SLC22A23: variants seen among roughly 807,000 people sequenced by gnomAD.
The protein encoded by SLC22A23 is ion transporter protein.
In SLC22A23, 26 loss-of-function variants were observed where a neutral mutation model predicts 61.0. The observed-to-expected ratio is 0.43, with a 90% CI of 0.31 to 0.59. The LOEUF (loss-of-function observed/expected upper bound fraction) is 0.59, where lower values mean the gene tolerates loss of function less well. SLC22A23 is among the 20% of genes least tolerant of loss of function. The pLI, the probability that SLC22A23 is intolerant of heterozygous loss-of-function variation, is 0.11. For synonymous variants in SLC22A23, 430 were observed against 413.9 expected, an observed-to-expected ratio of 1.04 and a Z score of -0.47; for missense variants, 796 against 934.7, an observed-to-expected ratio of 0.85 and a Z score of 1.94.
rs1211001804 is a variant in SLC22A23, at chr6:3,386,370, G to A, written c.913+23818C>T. Among the ~76,000 whole-genome samples, 2 of 152,180 alleles carry A rather than the reference G, an allele frequency of 1.3e-5. No homozygotes were observed. Among genetic ancestry groups the A allele is most frequent in the Non-Finnish European group, 2.9e-5 (2 of 68,032 alleles). On this transcript the variant is annotated intron_variant, in intron 3 of 9. Coordinates refer to ENST00000406686, the MANE Select transcript of SLC22A23 (RefSeq NM_015482.2). This position sits in a 1 kb window ranked among gnomAD's most constrained non-coding sequence, Gnocchi z 4.4. ...GAGAGCGAAGGAGAAGGGAGAGCAC[G>A]CTTGCTCTGTGTACGCCACACGCAC... is the stretch of plus-strand genomic sequence containing the variant.
Position 3,292,820 on chromosome 6 carries a change from G to A in SLC22A23, c.1211-2954C>T, listed in dbSNP as rs542997827. ...AGGATGAAGCGCTGCCTTGAGGGCCGGATGGGAGAACTCGGCGCGGCCTCT... is the reference window on the plus strand; with the variant it reads ...AGGATGAAGCGCTGCCTTGAGGGCCAGATGGGAGAACTCGGCGCGGCCTCT... On this transcript the variant is annotated intron_variant, in intron 5 of 9. Transcript: ENST00000406686. Among the ~76,000 whole-genome samples, 6 of 152,332 alleles carry A rather than the reference G, an allele frequency of 3.9e-5. No individual in the cohort carries two copies. The East Asian group carries it at 7.7e-4, about 20-fold the overall frequency.
At chr6:3,413,779 T>C (rs934892760) in intron 2 of SLC22A23, among the ~76,000 whole-genome samples, 3 of 152,182 alleles carry the variant, frequency 2.0e-5, no homozygotes, top group African/African-American at 7.2e-5. Flanking sequence ...TATTTCCTTT[T>C]AAGCAAGGCT....
At position 3,390,566 on chromosome 6, in the gene SLC22A23, A is replaced by T. The variant is rs1477558714; in HGVS notation, c.913+19622T>A. 1.3e-5 allele frequency among the ~76,000 whole-genome samples: 2 copies of T among 152,192 alleles called. No homozygotes were observed. Among genetic ancestry groups the T allele is most frequent in the Non-Finnish European group, 2.9e-5 (2 of 68,032 alleles). ...CCCGGGGCCTAGAGTTCTGAGGTACACTTCGGGTTCACTTGCAGGTTTAAA... is the reference window on the plus strand; with the variant it reads ...CCCGGGGCCTAGAGTTCTGAGGTACTCTTCGGGTTCACTTGCAGGTTTAAA... On this transcript the variant is annotated intron_variant, in intron 3 of 9. Coordinates refer to ENST00000406686, the MANE Select transcript of SLC22A23 (RefSeq NM_015482.2). This position sits in a 1 kb window ranked among gnomAD's most constrained non-coding sequence, Gnocchi z 4.0.
intron 9 of SLC22A23, among the ~76,000 whole-genome samples, chr6:3,281,438 G>A (rs1200691288): frequency 6.6e-6 from 1 of 152,234 alleles, no homozygotes; most frequent in African/African-American, 2.4e-5. Context: ...GGTGGAACAA[G>A]TATGAAAAGT....
At chr6:3,336,395 T>TTAC (rs1434394673) in intron 3 of SLC22A23, among the ~76,000 whole-genome samples, 1 of 152,220 alleles carries the variant, frequency 6.6e-6, no homozygotes, top group Non-Finnish European at 1.5e-5. Flanking sequence ...TGCTGGCAGG[T>TTAC]TACTGCCCCT....
intron 1 of SLC22A23, among the ~76,000 whole-genome samples, chr6:3,433,152 C>T (rs1412331500): frequency 2.0e-5 from 3 of 152,312 alleles, no homozygotes; most frequent in Non-Finnish European, 4.4e-5. Context: ...TACAGAGAGG[C>T]GGGAGGGCCT....
rs1333104627 is a variant in SLC22A23 at position 3,387,463 on chromosome 6, C to T, written c.913+22725G>A. 1.3e-5 allele frequency among the ~76,000 whole-genome samples: 2 copies of T among 152,162 alleles called. No homozygotes were observed. The highest frequency in any genetic ancestry group is 4.8e-5 in the African/African-American group (2 of 41,426). ...CCAAGGAACTGTCACAGATCAGAGG[C>T]GACTGTGGAGACACAGCTACATTTA... On this transcript the variant is annotated intron_variant, in intron 3 of 9. Transcript: ENST00000406686. The surrounding 1 kb of genome is among the most constrained non-coding windows in gnomAD (Gnocchi z 5.0).
At chr6:3,282,758 CAG>C (rs1426990770) in intron 9 of SLC22A23, among the ~76,000 whole-genome samples, 1 of 152,200 alleles carries the variant, frequency 6.6e-6, no homozygotes, top group African/African-American at 2.4e-5. Flanking sequence ...AAGTCACAAA[CAG>C]TGTAGGAAAA....
chr6:3,385,495 G>A (rs574252293), intron 3 of SLC22A23, among the ~76,000 whole-genome samples: 34 of 152,050 alleles, frequency 2.2e-4, no homozygotes, highest in Non-Finnish European at 4.6e-4. Flanking sequence ...TAGCCTGGGC[G>A]ACAGAGCAGA....
intron 1 of SLC22A23, chr6:3,445,155 G>C (rs1270972275): frequency 4.5e-6 from 1 of 221,136 alleles, no homozygotes; most frequent in Non-Finnish European, 7.6e-6. Context: ...CCCATGACAA[G>C]TGGCAGAGTT....
At chr6:3,434,187 C>T (rs1485694583) in intron 1 of SLC22A23, among the ~76,000 whole-genome samples, 2 of 151,850 alleles carry the variant, frequency 1.3e-5, no homozygotes, top group African/African-American at 4.8e-5. Context: ...GTGGTGCATG[C>T]CTGTAATCCC....
At chr6:3,339,826 G>A (rs182148218) in intron 3 of SLC22A23, among the ~76,000 whole-genome samples, 19 of 152,296 alleles carry the variant, frequency 1.2e-4, no homozygotes, top group African/African-American at 4.6e-4. Context: ...AGCTTTTGCG[G>A]CTGCTCTGTC....
At chr6:3,408,587 A>G (rs958122956) in intron 3 of SLC22A23, among the ~76,000 whole-genome samples, 2 of 152,172 alleles carry the variant, frequency 1.3e-5, no homozygotes, top group Non-Finnish European at 2.9e-5. Flanking sequence ...GCTGAGCCCC[A>G]AAGTCTCCTC....
intron 3 of SLC22A23, among the ~76,000 whole-genome samples, chr6:3,381,464 G>A (rs1308941904): frequency 1.3e-5 from 2 of 152,184 alleles, no homozygotes; most frequent in African/African-American, 2.4e-5. Flanking sequence ...TAGCCTCAGT[G>A]GTGAGGCGTT....
At position 3,372,359 on chromosome 6, in the gene SLC22A23, G is replaced by A. The variant is rs1766275928; in HGVS notation, c.913+37829C>T. ...AATAAAAGTGGCAAGATGCACGAAGGTCTAAGCCTGCAGGCTCCTCCTGCT... is the reference window on the plus strand; with the variant it reads ...AATAAAAGTGGCAAGATGCACGAAGATCTAAGCCTGCAGGCTCCTCCTGCT... On this transcript the variant is annotated intron_variant, in intron 3 of 9. Transcript: ENST00000406686. This position sits in a 1 kb window ranked among gnomAD's most constrained non-coding sequence, Gnocchi z 4.7. 6.6e-6 allele frequency among the ~76,000 whole-genome samples: 1 copy of A among 152,254 alleles called. No individual in the cohort carries two copies. Among genetic ancestry groups the A allele is most frequent in the South Asian group, 2.1e-4 (1 of 4,834 alleles).
chr6:3,334,302 CA>C (rs973309962), intron 3 of SLC22A23, among the ~76,000 whole-genome samples: 19 of 152,184 alleles, frequency 1.2e-4, no homozygotes, highest in African/African-American at 4.3e-4. Context: ...GCTAGGATTA[CA>C]GGCACCTTCC....
intron 3 of SLC22A23, among the ~76,000 whole-genome samples, chr6:3,343,259 T>G (rs1764249424): frequency 6.6e-6 from 1 of 152,184 alleles, no homozygotes; most frequent in Admixed American, 6.5e-5. Flanking sequence ...AGACACTGCA[T>G]TTCCACATCT....
Position 3,304,446 on chromosome 6 carries a change from C to T in SLC22A23, c.1083-6228G>A, listed in dbSNP as rs186912488. On this transcript the variant is annotated intron_variant, in intron 4 of 9. Coordinates refer to ENST00000406686, the MANE Select transcript of SLC22A23 (RefSeq NM_015482.2). This position sits in a 1 kb window ranked among gnomAD's most constrained non-coding sequence, Gnocchi z 4.3. ...TCAAGGATATTACTGTTTACAAAGGCGTGGTGTGACCTTAGGATTTAAGAA... is the reference window on the plus strand; with the variant it reads ...TCAAGGATATTACTGTTTACAAAGGTGTGGTGTGACCTTAGGATTTAAGAA... Among the ~76,000 whole-genome samples, 137 of 152,196 alleles carry T rather than the reference C, an allele frequency of 9.0e-4. No homozygotes were observed. Among genetic ancestry groups the T allele is most frequent in the Non-Finnish European group, 1.7e-3 (113 of 67,984 alleles).
At chr6:3,407,527 A>T (rs1007048353) in intron 3 of SLC22A23, among the ~76,000 whole-genome samples, 3 of 152,192 alleles carry the variant, frequency 2.0e-5, no homozygotes, top group African/African-American at 7.2e-5. Context: ...TTCTTCTCTC[A>T]GAAGCTTTGC....
Sources: gnomAD v4.1 joint callset for allele counts (sites outside exome capture counted in the v4.1 genomes callset) on GRCh38, gnomAD v4.1.1 for gene constraint, Gnocchi (gnomAD v3.1) non-coding constraint, MANE v1.5 for transcripts, NCBI Gene and HGNC (gene_info 2026-07-23, HGNC 2026-07-21) for gene names.